KIAA0319L: variants seen among roughly 807,000 people sequenced by gnomAD.
The protein encoded by KIAA0319L is dyslexia-associated protein KIAA0319-like protein.
KIAA0319L carries 55 observed loss-of-function variants against 120.1 expected under a neutral mutation model. The ratio of observed to expected loss-of-function variants is 0.46; its 90% CI spans 0.37 to 0.57. The LOEUF is 0.57. Ranked by LOEUF, KIAA0319L falls within the 20% of genes least tolerant of loss-of-function variation. KIAA0319L has a pLI of 0.00. For missense variants in KIAA0319L, 1,049 were observed against 1,255.3 expected, an observed-to-expected ratio of 0.84 and a Z score of 2.48; for synonymous variants, 398 against 471.9, an observed-to-expected ratio of 0.84 and a Z score of 2.03.
intron 3 of KIAA0319L, among the ~76,000 whole-genome samples, chr1:35,502,710 C>G (rs1645054426): frequency 6.6e-6 from 1 of 152,186 alleles, no homozygotes; most frequent in Non-Finnish European, 1.5e-5. Flanking sequence ...ATTACCCATT[C>G]CTCTGACATC....
chr1:35,544,195 C>T (rs1211627309), intron 2 of KIAA0319L, among the ~76,000 whole-genome samples: 2 of 152,048 alleles, frequency 1.3e-5, no homozygotes, highest in Admixed American at 1.3e-4. Flanking sequence ...CAGTGAAACC[C>T]CATCTCTACT....
At chr1:35,455,937 T>C (rs1248159001) in intron 10 of KIAA0319L, 76 bp downstream of exon 10, 2 of 1,114,280 alleles carry the variant, frequency 1.8e-6, no homozygotes, top group East Asian at 2.4e-5. Flanking sequence ...CTCAGTTTGT[T>C]TGGAGGTTTC....
chr1:35,551,474 C>G (rs940353144), intron 2 of KIAA0319L, among the ~76,000 whole-genome samples: 2 of 152,052 alleles, frequency 1.3e-5, no homozygotes, highest in Non-Finnish European at 2.9e-5. Context: ...CATGCCATCA[C>G]GCCCGGCTAA....
chr1:35,443,746 A>G (rs1641404811), intron 17 of KIAA0319L, among the ~76,000 whole-genome samples: 1 of 152,112 alleles, frequency 6.6e-6, no homozygotes. Context: ...TTTAACAACT[A>G]TCATAATTTT....
chr1:35,545,530 T>C (rs1646949562), intron 2 of KIAA0319L, among the ~76,000 whole-genome samples: 1 of 152,172 alleles, frequency 6.6e-6, no homozygotes, highest in South Asian at 2.1e-4. Flanking sequence ...TCAGGCAGAA[T>C]GGTAATGCCA....
Position 35,479,119 on chromosome 1 carries a change from T to C in KIAA0319L, c.760A>G (p.Ile254Val), listed in dbSNP as rs763193321. The change falls in exon 4 of 21, where the codon ATA (isoleucine) becomes GTA (valine). Residue 254 changes from isoleucine (I) to valine (V), a missense_variant. Ile to Val is a conservative substitution (Grantham distance 29). Transcript: ENST00000325722. ...GPKNVSVQPE[I>V]SEGLATTPST... ...GGCGTAGTAGCAAGACCCTCTGATA[T>C]TTCAGGTTGCACTGATACATTCTTT... is the stretch of plus-strand genomic sequence containing the variant. 1.9e-6 allele frequency: 3 copies of C among 1,614,200 alleles called. No individual in the cohort carries two copies. Among genetic ancestry groups the C allele is most frequent in the Non-Finnish European group, 2.5e-6 (3 of 1,180,020 alleles).
chr1:35,554,052 T>C lies in KIAA0319L; in HGVS notation c.142+298A>G, dbSNP rs78515263. On this transcript the variant is annotated intron_variant, in intron 2 of 20. Transcript: ENST00000325722. Reference sequence around the variant, plus strand: ...GATAATAACCCTTCCTCAAAGATAATAGGTAATTTGCTCAAGGTTTTATAG... The same window carrying C: ...GATAATAACCCTTCCTCAAAGATAACAGGTAATTTGCTCAAGGTTTTATAG... Among the ~76,000 whole-genome samples the C allele has an allele frequency of 6.2e-3, 944 of 152,328 alleles. 7 individuals carry two copies. Among genetic ancestry groups the C allele is most frequent in the South Asian group, 0.01 (50 of 4,834 alleles).
intron 2 of KIAA0319L, among the ~76,000 whole-genome samples, chr1:35,534,357 T>C (rs141590082): frequency 2.0e-5 from 3 of 152,362 alleles, no homozygotes; most frequent in African/African-American, 2.4e-5. Context: ...CTCATGGAAC[T>C]ACTTGCCCAA....
intron 16 of KIAA0319L, among the ~76,000 whole-genome samples, chr1:35,446,854 C>T (rs1366876046): frequency 2.0e-5 from 3 of 152,202 alleles, no homozygotes; most frequent in African/African-American, 4.8e-5. Context: ...ACTCCTATCT[C>T]GGGCTCTTCC....
At chr1:35,509,117 C>T in intron 2 of KIAA0319L, among the ~76,000 whole-genome samples, 1 of 152,076 alleles carries the variant, frequency 6.6e-6, no homozygotes, top group Admixed American at 6.5e-5. Context: ...GACTGTGGCA[C>T]AGGCAAGAAG....
At chr1:35,532,156 T>C in intron 2 of KIAA0319L, among the ~76,000 whole-genome samples, 1 of 149,992 alleles carries the variant, frequency 6.7e-6, no homozygotes, top group East Asian at 2.0e-4. Context: ...GGCAGGAGAA[T>C]CATTGAACAC....
chr1:35,554,945 G>A (rs1204957197), intron 1 of KIAA0319L: 1 of 153,150 alleles, frequency 6.5e-6, no homozygotes, highest in Non-Finnish European at 1.5e-5. Flanking sequence ...GTAACCTGAG[G>A]GTTATGTCTG....
At chr1:35,456,878 A>AGGAGGGAG (rs571352266) in intron 9 of KIAA0319L, among the ~76,000 whole-genome samples, 1 of 114,990 alleles carries the variant, frequency 8.7e-6, no homozygotes, top group Admixed American at 1.0e-4. Flanking sequence ...GAGGGAAGGA[A>AGGAGGGAG]GGAGGGAGGG....
chr1:35,483,558 C>G (rs923096252), intron 3 of KIAA0319L, among the ~76,000 whole-genome samples: 1 of 152,194 alleles, frequency 6.6e-6, no homozygotes, highest in African/African-American at 2.4e-5. Context: ...TATTTCTGGA[C>G]TCTATATTAT....
intron 4 of KIAA0319L, 91 bp downstream of exon 4, chr1:35,478,875 T>C (rs1231038815): frequency 6.9e-7 from 1 of 1,439,784 alleles, no homozygotes; most frequent in Non-Finnish European, 9.5e-7. Context: ...AGTATTCAAG[T>C]TATGCCTCCC....
chr1:35,491,078 T>C (rs913097751), intron 3 of KIAA0319L, among the ~76,000 whole-genome samples: 1 of 152,186 alleles, frequency 6.6e-6, no homozygotes, highest in Non-Finnish European at 1.5e-5. Flanking sequence ...TTTATAGCAA[T>C]GTGAGAACAG....
chr1:35,534,928 C>T (rs1234931372), intron 2 of KIAA0319L, among the ~76,000 whole-genome samples: 4 of 145,496 alleles, frequency 2.7e-5, no homozygotes, highest in African/African-American at 7.6e-5. Flanking sequence ...ACCAGCCTGA[C>T]CAACATGGCA....
chr1:35,454,277 T>A (rs79870981), intron 11 of KIAA0319L, 85 bp downstream of exon 11: 5 of 1,465,450 alleles, frequency 3.4e-6, no homozygotes, highest in East Asian at 4.6e-5. Flanking sequence ...TCTACCCTCA[T>A]ACAGCTCAGA....
At chr1:35,538,220 A>G (rs987265846) in intron 2 of KIAA0319L, among the ~76,000 whole-genome samples, 5 of 152,170 alleles carry the variant, frequency 3.3e-5, no homozygotes, top group African/African-American at 9.7e-5. Flanking sequence ...AAATGCGTGT[A>G]TCTATAGTAT....
Sources: allele counts gnomAD v4.1 joint callset (sites outside exome capture counted in the v4.1 genomes callset), GRCh38; gene constraint gnomAD v4.1.1; transcripts MANE v1.5; gene names NCBI Gene and HGNC (gene_info 2026-07-23, HGNC 2026-07-21).